The following SLC5A12 variants were observed in gnomAD, a reference collection of about 807,000 sequenced individuals.
SLC5A12 encodes solute carrier family 5 member 12, also known as sodium-coupled monocarboxylate transporter 2.
SLC5A12 carries 46 observed loss-of-function variants against 72.7 expected under a neutral mutation model. The observed-to-expected ratio is 0.63, with a 90% confidence interval of 0.50 to 0.81. The LOEUF (loss-of-function observed/expected upper bound fraction) is 0.81, where lower values mean the gene tolerates loss of function less well. Among genes scored for constraint, SLC5A12 ranks in the 30% least tolerant of loss-of-function variants. The pLI is 0.00. For synonymous variants in SLC5A12, 275 were observed against 264.4 expected (o/e 1.04, Z -0.39); for missense variants, 683 against 740.7 (o/e 0.92, Z 0.90).
At chr11:26,683,370 A>G (rs917713680) in intron 11 of SLC5A12, among the ~76,000 whole-genome samples, 8 of 152,218 alleles carry the variant, frequency 5.3e-5, no homozygotes, top group Admixed American at 3.3e-4. Context: ...AATCTAGGTA[A>G]CTATACACAG....
intron 8 of SLC5A12, among the ~76,000 whole-genome samples, chr11:26,694,935 T>C (rs1488367814): frequency 6.6e-6 from 1 of 151,958 alleles, no homozygotes; most frequent in Admixed American, 6.6e-5. Flanking sequence ...CCTTTTAGAG[T>C]ACATAATAAA....
At chr11:26,685,630 A>T (rs1396191300) in intron 10 of SLC5A12, among the ~76,000 whole-genome samples, 1 of 151,354 alleles carries the variant, frequency 6.6e-6, no homozygotes, top group Non-Finnish European at 1.5e-5. Context: ...AAACAAAAAA[A>T]CAAAAAAACC....
At chr11:26,682,620 C>T (rs541556775) in intron 11 of SLC5A12, among the ~76,000 whole-genome samples, 1 of 152,162 alleles carries the variant, frequency 6.6e-6, no homozygotes, top group South Asian at 2.1e-4. Flanking sequence ...TAAATGAGGG[C>T]CCCAATGGCT....
rs903413174 is a variant in SLC5A12 at position 26,668,181 on chromosome 11, G to A, written c.*2921C>T. 2 of 151,940 alleles carry A rather than the reference G, an allele frequency of 1.3e-5. No homozygotes were observed. The highest frequency in any genetic ancestry group is 4.8e-5 in the African/African-American group (2 of 41,402). 9.4% of individuals were successfully genotyped at this position (151,940 alleles called of 1,614,324 possible). ...CTGCAGTTCCTCACCTCAATCATAAGCTGTTGTAGTTCTTATTCCAAATGG... is the reference window on the plus strand; with the variant it reads ...CTGCAGTTCCTCACCTCAATCATAAACTGTTGTAGTTCTTATTCCAAATGG... On this transcript the variant is annotated 3_prime_UTR_variant, in exon 15 of 15. Transcript: ENST00000396005.
chr11:26,697,463 T>C (rs1019684941), intron 7 of SLC5A12, among the ~76,000 whole-genome samples: 3 of 152,128 alleles, frequency 2.0e-5, no homozygotes, highest in African/African-American at 4.8e-5. Flanking sequence ...TGTTAGCAAC[T>C]AAGCCCTAAA....
chr11:26,694,785 A>C (rs1854769913), intron 8 of SLC5A12, among the ~76,000 whole-genome samples: 1 of 152,174 alleles, frequency 6.6e-6, no homozygotes, highest in South Asian at 2.1e-4. Flanking sequence ...TCAGATAAAC[A>C]TCTTTTCTAA....
chr11:26,691,494 GA>G (rs549962893), intron 9 of SLC5A12, among the ~76,000 whole-genome samples: 1,610 of 150,938 alleles, frequency 0.011, 22 homozygotes, highest in African/African-American at 0.036. Flanking sequence ...AAAAGAAAAT[GA>G]AAAAAATTTA....
intron 13 of SLC5A12, among the ~76,000 whole-genome samples, chr11:26,675,724 T>A (rs569306838): frequency 6.6e-6 from 1 of 152,150 alleles, no homozygotes; most frequent in South Asian, 2.1e-4. Context: ...ACTGACTCCA[T>A]GAGCAGAATG....
intron 4 of SLC5A12, among the ~76,000 whole-genome samples, chr11:26,706,204 A>G (rs925083226): frequency 1.3e-5 from 2 of 152,070 alleles, no homozygotes; most frequent in African/African-American, 4.8e-5. Context: ...TAATTTGACG[A>G]GAGAGAAGAA....
intron 9 of SLC5A12, among the ~76,000 whole-genome samples, chr11:26,691,033 G>T (rs973227954): frequency 5.3e-5 from 8 of 150,038 alleles, no homozygotes; most frequent in African/African-American, 2.0e-4. Context: ...AAGCTGGGAA[G>T]CTGGGAGACA....
chr11:26,717,274 T>C (rs1462152222), intron 1 of SLC5A12, among the ~76,000 whole-genome samples: 3 of 151,884 alleles, frequency 2.0e-5, no homozygotes, highest in Non-Finnish European at 4.4e-5. Context: ...AAATTTGAAA[T>C]TGAAGAGAAG....
chr11:26,715,287 T>C (rs1369182636), intron 1 of SLC5A12, among the ~76,000 whole-genome samples: 1 of 152,094 alleles, frequency 6.6e-6, no homozygotes, highest in Non-Finnish European at 1.5e-5. Flanking sequence ...GTGCCTGAGA[T>C]TATCTGCTTG....
chr11:26,673,406 T>A lies in SLC5A12; in HGVS notation c.1703A>T (p.Glu568Val). Residue 568 changes from glutamate (E) to valine (V), a missense_variant, in exon 14 of 15, where the codon GAG becomes GTG. Glu to Val is a moderately radical substitution (Grantham distance 121, BLOSUM62 -2). Transcript: ENST00000396005. Reference sequence around the variant, plus strand: ...GAAGCTCAAACATCAGCTCACCTGCTCTGTCCCACTGTCATGCTGAACTCC... The same window carrying A: ...GAAGCTCAAACATCAGCTCACCTGCACTGTCCCACTGTCATGCTGAACTCC... ...WCGVQHDSGT[E>V]QENLENGSAR... The A allele has an allele frequency of 6.3e-7, 1 of 1,583,206 alleles. No homozygotes were observed. Among genetic ancestry groups the A allele is most frequent in the Non-Finnish European group, 8.6e-7 (1 of 1,166,052 alleles).
intron 1 of SLC5A12, among the ~76,000 whole-genome samples, chr11:26,713,546 A>C (rs1855280695): frequency 6.6e-6 from 1 of 152,146 alleles, no homozygotes; most frequent in African/African-American, 2.4e-5. Context: ...TTCAAGACTT[A>C]GATCATTGAT....
rs1197920725 is a variant in SLC5A12 at position 26,697,197 on chromosome 11, A to T, written c.1007T>A (p.Leu336His). 6.2e-7 allele frequency: 1 copy of T among 1,614,004 alleles called. No homozygotes were observed. ...IFATMPGLPG[L>H]FVACAFSGTL... ...TCCACTGAAGGCACAAGCCACAAAA[A>T]GTCCTGGCAGTCCTGGCATTGTGGC... Residue 336 changes from leucine (L) to histidine (H), a missense_variant, in exon 8 of 15, where the codon CTT (leucine) becomes CAT (histidine). Physicochemically the swap from Leu to His is moderately conservative, Grantham distance 99. Coordinates refer to ENST00000396005, the MANE Select transcript of SLC5A12 (RefSeq NM_178498.4).
At chr11:26,703,425 TACACACACACAC>T in intron 6 of SLC5A12, 94 bp downstream of exon 6, 2 of 882,104 alleles carry the variant, frequency 2.3e-6, no homozygotes, top group Non-Finnish European at 3.4e-6. Flanking sequence ...CACACATACA[TACACACACACAC>T]ACACACACAC....
At chr11:26,693,870 A>C (rs1405864036) in intron 8 of SLC5A12, among the ~76,000 whole-genome samples, 1 of 152,148 alleles carries the variant, frequency 6.6e-6, no homozygotes, top group Non-Finnish European at 1.5e-5. Flanking sequence ...TTTTCTAAGA[A>C]TCAAAACATG....
At chr11:26,677,635 T>C (rs1436831736) in intron 13 of SLC5A12, among the ~76,000 whole-genome samples, 1 of 152,178 alleles carries the variant, frequency 6.6e-6, no homozygotes, top group Non-Finnish European at 1.5e-5. Context: ...AGAGTTGTTA[T>C]TATGTGAAAG....
chr11:26,690,807 A>G (rs1351000045), intron 9 of SLC5A12, among the ~76,000 whole-genome samples: 1 of 151,302 alleles, frequency 6.6e-6, no homozygotes, highest in East Asian at 1.9e-4. Flanking sequence ...AAAAAAAAAA[A>G]TTTAGTTTAT....
Sources: allele counts gnomAD v4.1 joint callset (sites outside exome capture counted in the v4.1 genomes callset), GRCh38; gene constraint gnomAD v4.1.1; transcripts MANE v1.5; gene names NCBI Gene and HGNC (gene_info 2026-07-23, HGNC 2026-07-21).